CNTNAP2: variants seen among roughly 807,000 people sequenced by gnomAD.
CNTNAP2 encodes the protein contactin associated protein 2, also known as contactin-associated protein-like 2.
In CNTNAP2, 98 loss-of-function variants were observed where a neutral mutation model predicts 155.2. The observed-to-expected ratio is 0.63, with a 90% CI of 0.54 to 0.75. The LOEUF (loss-of-function observed/expected upper bound fraction) is 0.75. CNTNAP2 is among the 30% of genes least tolerant of loss of function. The pLI is 0.00. For missense variants in CNTNAP2, 1,727 were observed against 1,688.1 expected (o/e 1.02, Z -0.40); for synonymous variants, 651 against 631.2 (o/e 1.03, Z -0.47).
chr7:147,450,873 T>C (rs1238573788), intron 10 of CNTNAP2, among the ~76,000 whole-genome samples: 2 of 152,224 alleles, frequency 1.3e-5, no homozygotes, highest in Non-Finnish European at 2.9e-5. Flanking sequence ...TCACCTCCAT[T>C]AAACTGGACA....
At chr7:147,141,720 G>A (rs1272359433) in intron 8 of CNTNAP2, among the ~76,000 whole-genome samples, 1 of 152,052 alleles carries the variant, frequency 6.6e-6, no homozygotes, top group African/African-American at 2.4e-5. Flanking sequence ...CACAGGATCA[G>A]GTACTGTGGA....
chr7:146,944,670 A>C (rs1797123264), intron 3 of CNTNAP2, among the ~76,000 whole-genome samples: 1 of 152,104 alleles, frequency 6.6e-6, no homozygotes, highest in Non-Finnish European at 1.5e-5. Flanking sequence ...CGAGGTCATG[A>C]GATGGAGACC....
chr7:147,790,865 T>C (rs1797809096), intron 13 of CNTNAP2, among the ~76,000 whole-genome samples: 1 of 152,228 alleles, frequency 6.6e-6, no homozygotes, highest in Non-Finnish European at 1.5e-5. Flanking sequence ...TCTGAGCATT[T>C]TGCAGACGTT....
At chr7:147,990,475 AT>A (rs1325623084) in intron 15 of CNTNAP2, among the ~76,000 whole-genome samples, 4 of 151,306 alleles carry the variant, frequency 2.6e-5, no homozygotes, top group Non-Finnish European at 5.9e-5. Flanking sequence ...CAGGGTTGAA[AT>A]GTCTCTGGTT....
At chr7:147,144,831 G>A (rs746975929) in intron 8 of CNTNAP2, among the ~76,000 whole-genome samples, 4 of 152,148 alleles carry the variant, frequency 2.6e-5, no homozygotes, top group Admixed American at 6.5e-5. Context: ...CTGTACATGC[G>A]TGCATTCTCA....
intron 15 of CNTNAP2, among the ~76,000 whole-genome samples, chr7:148,037,297 A>G (rs961908152): frequency 5.3e-5 from 8 of 152,210 alleles, no homozygotes; most frequent in African/African-American, 1.4e-4. Flanking sequence ...CTTCATGTAA[A>G]GAATTATTTA....
At chr7:148,091,149 G>A (rs184089197) in intron 15 of CNTNAP2, among the ~76,000 whole-genome samples, 64 of 152,196 alleles carry the variant, frequency 4.2e-4, no homozygotes, top group African/African-American at 1.5e-3. Flanking sequence ...GAGATCTATT[G>A]TACATCATAG....
rs547909467 is a variant in CNTNAP2 at position 146,698,641 on chromosome 7, A to T, written c.98-75630A>T. Among the ~76,000 whole-genome samples, 35 of 152,080 alleles carry T rather than the reference A, an allele frequency of 2.3e-4. 1 individual carries two copies. The South Asian group carries it at 2.9e-3, about 13-fold the overall frequency. ...TTTGGCACTCTCTGAGTTTCCTAGA[A>T]CTGTGATTTGTTGTCTGTCTTTGAA... On this transcript the variant is annotated intron_variant, in intron 1 of 23. Coordinates refer to ENST00000361727, the MANE Select transcript of CNTNAP2 (RefSeq NM_014141.6).
intron 8 of CNTNAP2, among the ~76,000 whole-genome samples, chr7:147,201,441 T>C (rs1379711269): frequency 6.6e-6 from 1 of 152,208 alleles, no homozygotes; most frequent in Non-Finnish European, 1.5e-5. Context: ...TATTTAACTC[T>C]CATGCTCAGT....
At chr7:146,426,079 G>A (rs967994463) in intron 1 of CNTNAP2, among the ~76,000 whole-genome samples, 4 of 149,950 alleles carry the variant, frequency 2.7e-5, no homozygotes, top group East Asian at 2.0e-4. Context: ...TGAGCTACGC[G>A]GGAGGCTGAG....
At position 148,052,403 on chromosome 7, in the gene CNTNAP2, T is replaced by C. The variant is rs531804779; in HGVS notation, c.2384-65715T>C. Reference sequence around the variant, plus strand: ...GATCCAGAATTGTTCAGTAAAGGTGTAAAAAGTGTTTCCAATCAAAGAAAT... The same window carrying C: ...GATCCAGAATTGTTCAGTAAAGGTGCAAAAAGTGTTTCCAATCAAAGAAAT... On this transcript the variant is annotated intron_variant, in intron 15 of 23. Coordinates refer to ENST00000361727, the MANE Select transcript of CNTNAP2 (RefSeq NM_014141.6). 1.8e-3 allele frequency among the ~76,000 whole-genome samples: 265 copies of C among 148,368 alleles called. 2 individuals carry two copies. The highest frequency in any genetic ancestry group is 6.3e-3 in the African/African-American group (255 of 40,692).
At chr7:147,309,744 T>C (rs968791721) in intron 9 of CNTNAP2, among the ~76,000 whole-genome samples, 1 of 152,150 alleles carries the variant, frequency 6.6e-6, no homozygotes, top group African/African-American at 2.4e-5. Context: ...TTTTAACTTT[T>C]ATTTTTGGTT....
rs1265318034 is a variant in CNTNAP2 at position 146,729,356 on chromosome 7, A to G, written c.98-44915A>G. Among the ~76,000 whole-genome samples, 4 of 152,190 alleles carry G rather than the reference A, an allele frequency of 2.6e-5. No homozygotes were observed. In the East Asian group the frequency reaches 5.8e-4, roughly 22 times the overall value. On this transcript the variant is annotated intron_variant, in intron 1 of 23. Transcript: ENST00000361727. ...CAGATTCTGATTTTTGAAAGACGAC[A>G]GTAAAAGCAGAATGGAAGTGTCAAT...
At chr7:148,065,396 C>A (rs1371827663) in intron 15 of CNTNAP2, among the ~76,000 whole-genome samples, 2 of 152,052 alleles carry the variant, frequency 1.3e-5, no homozygotes, top group Non-Finnish European at 2.9e-5. Context: ...TTGAAGCCCC[C>A]CAATATTGTT....
intron 10 of CNTNAP2, among the ~76,000 whole-genome samples, chr7:147,472,075 C>T (rs10952684): frequency 0.77 from 117,460 of 152,014 alleles, 45,642 homozygotes; most frequent in African/African-American, 0.85. Flanking sequence ...TTTGCTTCTT[C>T]GTGGGTTATG....
chr7:146,972,341 T>C (rs985086615), intron 3 of CNTNAP2, among the ~76,000 whole-genome samples: 2 of 152,124 alleles, frequency 1.3e-5, no homozygotes, highest in Admixed American at 6.6e-5. Context: ...GAAATTAAAA[T>C]CAATACAGAG....
intron 13 of CNTNAP2, among the ~76,000 whole-genome samples, chr7:147,788,299 A>G (rs558898300): frequency 6.6e-6 from 1 of 152,346 alleles, no homozygotes; most frequent in East Asian, 1.9e-4. Context: ...GACCTTAAAG[A>G]GGTAACTTTT....
intron 1 of CNTNAP2, among the ~76,000 whole-genome samples, chr7:146,767,096 T>A (rs1359866339): frequency 2.6e-5 from 4 of 152,198 alleles, no homozygotes; most frequent in Non-Finnish European, 5.9e-5. Flanking sequence ...GACAAACTAA[T>A]TGTACTTCTC....
chr7:147,300,315 T>A (rs1354614148), intron 9 of CNTNAP2, 25 bp downstream of exon 9: 1 of 1,613,388 alleles, frequency 6.2e-7, no homozygotes, highest in Non-Finnish European at 8.5e-7. Flanking sequence ...CCTTTTTGGT[T>A]ACTAATCCAT....
Sources: allele counts gnomAD v4.1 joint callset (sites outside exome capture counted in the v4.1 genomes callset), GRCh38; gene constraint gnomAD v4.1.1; transcripts MANE v1.5; gene names NCBI Gene and HGNC (gene_info 2026-07-23, HGNC 2026-07-21).